SORL1: variants seen among roughly 807,000 people sequenced by gnomAD.
SORL1 encodes the protein sortilin-related receptor.
A neutral mutation model predicts 273.7 loss-of-function variants in SORL1; 127 were observed. That is an observed-to-expected ratio of 0.46 (90% CI 0.40 to 0.54). The LOEUF (loss-of-function observed/expected upper bound fraction) is 0.54, where lower values mean the gene tolerates loss of function less well. Among genes scored for constraint, SORL1 ranks in the 20% least tolerant of loss-of-function variants. SORL1 has a pLI of 0.00. For synonymous variants in SORL1, 1,031 were observed against 1,067.4 expected (o/e 0.97, Z 0.66); for missense variants, 2,494 against 2,846.1 (o/e 0.88, Z 2.81).
chr11:121,497,593 C>T (rs967512424), intron 6 of SORL1, among the ~76,000 whole-genome samples: 4 of 152,186 alleles, frequency 2.6e-5, no homozygotes, highest in African/African-American at 4.8e-5. Context: ...GGAAAATCTT[C>T]CCCTTGATTT....
intron 5 of SORL1, among the ~76,000 whole-genome samples, chr11:121,494,831 C>T (rs1861604443): frequency 6.6e-6 from 1 of 152,130 alleles, no homozygotes; most frequent in African/African-American, 2.4e-5. Context: ...TCCTCTCTGC[C>T]GTTTTAAAAA....
intron 29 of SORL1, among the ~76,000 whole-genome samples, chr11:121,589,673 A>G (rs1863180020): frequency 6.6e-6 from 1 of 152,234 alleles, no homozygotes; most frequent in African/African-American, 2.4e-5. Context: ...TATGGTAAAT[A>G]TTATGGAGTG....
intron 7 of SORL1, 98 bp from the exon 8 acceptor site, chr11:121,514,054 G>C: frequency 7.4e-7 from 1 of 1,344,776 alleles, no homozygotes; most frequent in Non-Finnish European, 1.0e-6. Context: ...AACATTCATC[G>C]CTAGAACATT....
intron 30 of SORL1, chr11:121,590,555 G>A (rs1863194733): frequency 3.6e-6 from 2 of 551,612 alleles, no homozygotes; most frequent in Non-Finnish European, 6.5e-6. Flanking sequence ...GCTCCACAAT[G>A]CATTTGAGGA....
At position 121,553,910 on chromosome 11, in the gene SORL1, C is replaced by G. The variant is rs769624924; in HGVS notation, c.2267-27C>G. The G allele has an allele frequency of 1.4e-5, 23 of 1,601,168 alleles. No homozygotes were observed. The East Asian group carries it at 4.9e-4, about 34-fold the overall frequency. On this transcript the variant is annotated intron_variant, in intron 16 of 47. Coordinates refer to ENST00000260197, the MANE Select transcript of SORL1 (RefSeq NM_003105.6). Reference sequence around the variant, plus strand: ...CTCTTCAGCATCCCCTGGGTCCAACCTCCCACGTGTCTTGTGTGTCTGGCA... The same window carrying G: ...CTCTTCAGCATCCCCTGGGTCCAACGTCCCACGTGTCTTGTGTGTCTGGCA...
intron 39 of SORL1, chr11:121,612,374 G>T (rs1190699224): frequency 5.3e-6 from 1 of 187,706 alleles, no homozygotes; most frequent in African/African-American, 2.4e-5. Context: ...TTGTCTTCTT[G>T]GCCTTGACTG....
At chr11:121,519,293 C>G (rs1450840337) in intron 8 of SORL1, among the ~76,000 whole-genome samples, 1 of 152,134 alleles carries the variant, frequency 6.6e-6, no homozygotes, top group South Asian at 2.1e-4. Context: ...TACAATTTCT[C>G]AGAGATCCGC....
intron 20 of SORL1, 81 bp from the exon 21 acceptor site, chr11:121,559,438 C>A: frequency 7.0e-7 from 1 of 1,419,558 alleles, no homozygotes; most frequent in Non-Finnish European, 9.6e-7. Context: ...TTGTCTCCTG[C>A]CTGGGGGAAC....
At chr11:121,629,414 T>A (rs745538400) in intron 47 of SORL1, 82 bp from the exon 48 acceptor site, 6 of 784,396 alleles carry the variant, frequency 7.6e-6, no homozygotes, top group Non-Finnish European at 1.2e-5. Flanking sequence ...GTGGTAGGGT[T>A]GAGGGGTGGG....
chr11:121,457,104 C>T (rs1860918373), intron 1 of SORL1, among the ~76,000 whole-genome samples: 1 of 152,158 alleles, frequency 6.6e-6, no homozygotes, highest in South Asian at 2.1e-4. Flanking sequence ...CTTCCTGGTT[C>T]CACTTGGCGT....
rs935599463 is a variant in SORL1 at position 121,479,476 on chromosome 11, C to A, written c.528+1233C>A. On this transcript the variant is annotated intron_variant, in intron 3 of 47. Coordinates refer to ENST00000260197, the MANE Select transcript of SORL1 (RefSeq NM_003105.6). ...TTTCCAGTCCCTAGTCCTGGCTTCT[C>A]AGGTTGCTTGAGGTCTCCTAGCAGG... Among the ~76,000 whole-genome samples the A allele has an allele frequency of 2.0e-5, 3 of 152,190 alleles. 1 individual carries two copies. Among genetic ancestry groups the A allele is most frequent in the Non-Finnish European group, 4.4e-5 (3 of 68,036 alleles).
chr11:121,485,703 A>G (rs985331453), intron 3 of SORL1, among the ~76,000 whole-genome samples: 7 of 152,342 alleles, frequency 4.6e-5, no homozygotes, highest in South Asian at 2.1e-4. Flanking sequence ...TCCTTCCCCA[A>G]TAACCTAGGT....
intron 12 of SORL1, among the ~76,000 whole-genome samples, chr11:121,540,522 C>CAAAACAAAAAAAAAAAAAA (rs1862331254): frequency 9.6e-6 from 1 of 103,862 alleles, no homozygotes; most frequent in Non-Finnish European, 1.9e-5. Context: ...ACTAAAAATA[C>CAAAACAAAAAAAAAAAAAA]AAAAAAAAAA....
chr11:121,546,701 T>C (rs935054521), intron 14 of SORL1, among the ~76,000 whole-genome samples: 20 of 152,202 alleles, frequency 1.3e-4, no homozygotes, highest in African/African-American at 4.8e-4. Flanking sequence ...CTCCTCACTT[T>C]GCCCATGGCA....
chr11:121,490,013 C>T (rs1338983688), intron 4 of SORL1, 30 bp from the exon 5 acceptor site: 1 of 1,570,430 alleles, frequency 6.4e-7, no homozygotes, highest in Non-Finnish European at 8.8e-7. Context: ...TTATACATGC[C>T]TCTTGCATCA....
chr11:121,544,421 G>A (rs146882446), intron 13 of SORL1, among the ~76,000 whole-genome samples: 132 of 152,224 alleles, frequency 8.7e-4, no homozygotes, highest in Non-Finnish European at 1.6e-3. Context: ...GCATAACTTT[G>A]TGTCTGTCAC....
chr11:121,580,668 G>A lies in SORL1; in HGVS notation c.3581-2790G>A, dbSNP rs190045648. Among the ~76,000 whole-genome samples the A allele has an allele frequency of 3.2e-4, 47 of 147,190 alleles. 1 individual carries two copies. The highest frequency in any genetic ancestry group is 2.1e-3 in the Admixed American group (31 of 14,558). Reference sequence around the variant, plus strand: ...CTCCCAGGCTGGAGGGTAGTGGCGCGATGACAGCTCACTGTAGCCTTGACC... The same window carrying A: ...CTCCCAGGCTGGAGGGTAGTGGCGCAATGACAGCTCACTGTAGCCTTGACC... On this transcript the variant is annotated intron_variant, in intron 25 of 47. Coordinates refer to ENST00000260197, the MANE Select transcript of SORL1 (RefSeq NM_003105.6).
chr11:121,532,569 A>G lies in SORL1; in HGVS notation c.1685+17A>G. 6.2e-7 allele frequency: 1 copy of G among 1,603,254 alleles called. No homozygotes were observed. The highest frequency in any genetic ancestry group is 1.7e-5 in the Admixed American group (1 of 59,916). ...CGAGCTAAAGTAAGTGTCTCTGATG[A>G]GGCCTTTTAACATCAAACTTTCTCC... is the stretch of plus-strand genomic sequence containing the variant. On this transcript the variant is annotated intron_variant, in intron 12 of 47. Transcript: ENST00000260197.
At chr11:121,479,272 G>C (rs1266781528) in intron 3 of SORL1, among the ~76,000 whole-genome samples, 2 of 152,126 alleles carry the variant, frequency 1.3e-5, no homozygotes, top group African/African-American at 4.8e-5. Context: ...CAGTTGGGTA[G>C]CTCTTAGCTC....
Sources: allele counts gnomAD v4.1 joint callset (sites outside exome capture counted in the v4.1 genomes callset), GRCh38; gene constraint gnomAD v4.1.1; transcripts MANE v1.5; gene names NCBI Gene and HGNC (gene_info 2026-07-23, HGNC 2026-07-21).